Variants in CPNE8 observed in about 807,000 individuals in gnomAD.
CPNE8 encodes copine-8.
CPNE8 carries 45 observed loss-of-function variants against 81.5 expected under a neutral mutation model. That is an observed-to-expected ratio of 0.55 (90% CI 0.44 to 0.71). The LOEUF is 0.71. Among genes scored for constraint, CPNE8 ranks in the 30% least tolerant of loss-of-function variants. CPNE8 has a pLI of 0.00. For synonymous variants in CPNE8, 252 were observed against 226.3 expected (o/e 1.11, Z -1.02); for missense variants, 594 against 672.1 (o/e 0.88, Z 1.28).
intron 4 of CPNE8, among the ~76,000 whole-genome samples, chr12:38,845,881 A>G (rs1220442289): frequency 2.0e-5 from 3 of 152,156 alleles, no homozygotes; most frequent in Non-Finnish European, 4.4e-5. Context: ...CTTTTCAGCA[A>G]TCATATAAAA....
chr12:38,848,348 A>G (rs1194723424), intron 4 of CPNE8, among the ~76,000 whole-genome samples: 2 of 152,176 alleles, frequency 1.3e-5, no homozygotes, highest in Admixed American at 6.5e-5. Context: ...ACCGTCCTGC[A>G]TGGCTAAACT....
chr12:38,844,890 T>C (rs1022722919), intron 4 of CPNE8, among the ~76,000 whole-genome samples: 1 of 152,188 alleles, frequency 6.6e-6, no homozygotes, highest in Non-Finnish European at 1.5e-5. Context: ...CTGAAAACCA[T>C]TTACATCTAT....
At chr12:38,902,191 A>C (rs2137166929) in intron 1 of CPNE8, among the ~76,000 whole-genome samples, 1 of 149,710 alleles carries the variant, frequency 6.7e-6, no homozygotes, top group Middle Eastern at 3.4e-3. Context: ...AAAAAAGAAA[A>C]GAGAAAGAGA....
intron 14 of CPNE8, 126 bp from the exon 15 acceptor site, chr12:38,693,964 C>G (rs1306292896): frequency 3.4e-6 from 2 of 586,070 alleles, no homozygotes; most frequent in Non-Finnish European, 2.7e-6. Flanking sequence ...TACAGTGTGT[C>G]AAATCATTTC....
intron 10 of CPNE8, among the ~76,000 whole-genome samples, chr12:38,740,545 C>G (rs1941074092): frequency 6.6e-6 from 1 of 152,070 alleles, no homozygotes; most frequent in African/African-American, 2.4e-5. Context: ...ATAAATAGCT[C>G]TTACTATTTT....
chr12:38,812,147 A>C (rs1231942611), intron 6 of CPNE8, among the ~76,000 whole-genome samples: 2 of 152,246 alleles, frequency 1.3e-5, no homozygotes, highest in Non-Finnish European at 2.9e-5. Flanking sequence ...TTAACACAGA[A>C]GGTGGCAGGA....
intron 19 of CPNE8, among the ~76,000 whole-genome samples, chr12:38,666,710 A>G (rs918534755): frequency 1.3e-5 from 2 of 152,184 alleles, no homozygotes; most frequent in African/African-American, 4.8e-5. Context: ...GCTAAAGAAG[A>G]GCTTGAAGTC....
chr12:38,852,187 G>A (rs1943656880), intron 3 of CPNE8, among the ~76,000 whole-genome samples: 1 of 152,024 alleles, frequency 6.6e-6, no homozygotes, highest in African/African-American at 2.4e-5. Flanking sequence ...CAGCACTTTG[G>A]GAGGCCAAGG....
intron 19 of CPNE8, among the ~76,000 whole-genome samples, chr12:38,670,439 A>T (rs887510792): frequency 6.6e-6 from 1 of 152,096 alleles, no homozygotes; most frequent in Admixed American, 6.5e-5. Flanking sequence ...CCTTTTCTAT[A>T]TGTAGATGTA....
At chr12:38,797,473 C>T (rs1226576627) in intron 6 of CPNE8, among the ~76,000 whole-genome samples, 1 of 152,190 alleles carries the variant, frequency 6.6e-6, no homozygotes, top group Non-Finnish European at 1.5e-5. Context: ...CTCCAACAGA[C>T]CTGCAGCTGA....
chr12:38,847,592 T>G (rs1381462897), intron 4 of CPNE8, among the ~76,000 whole-genome samples: 3 of 152,162 alleles, frequency 2.0e-5, no homozygotes, highest in Non-Finnish European at 4.4e-5. Context: ...TTGATAAATA[T>G]GACGAATACT....
In CPNE8 at chr12:38,797,366, G is replaced by T. The variant is rs560261431; in HGVS notation, c.408-21065C>A. On this transcript the variant is annotated intron_variant, in intron 6 of 19. Coordinates refer to ENST00000331366, the MANE Select transcript of CPNE8 (RefSeq NM_153634.3). ...TGAGACAAAACTTCCAGAGGAACTA[G>T]CAGACGGCAGCATTCGTGTTTCACG... 4.1e-3 allele frequency among the ~76,000 whole-genome samples: 618 copies of T among 152,270 alleles called. 3 individuals are homozygous for T. Among genetic ancestry groups the T allele is most frequent in the Middle Eastern group, 0.017 (5 of 294 alleles).
intron 19 of CPNE8, among the ~76,000 whole-genome samples, chr12:38,661,113 T>C (rs1270297040): frequency 9.2e-5 from 14 of 152,184 alleles, no homozygotes; most frequent in Non-Finnish European, 1.8e-4. Context: ...ACTGGGTATA[T>C]ACCCAAAGGA....
chr12:38,653,606 G>T lies in CPNE8; in HGVS notation c.*276C>A, dbSNP rs141516498. On this transcript the variant is annotated 3_prime_UTR_variant, in exon 20 of 20. Coordinates refer to ENST00000331366, the MANE Select transcript of CPNE8 (RefSeq NM_153634.3). ...TTTCCCAACAATACATTGGAAATTA[G>T]CTGTTTCTGTTAAAAAAAAAAAGAA... 313 of 96,778 alleles carry T rather than the reference G, an allele frequency of 3.2e-3. No individual in the cohort carries two copies. The highest frequency in any genetic ancestry group is 5.6e-3 in the Non-Finnish European group (235 of 42,052). The allele number at this position is 96,778 out of a possible 1,614,324, so 6.0% of individuals were successfully genotyped here. A position where few individuals can be genotyped will look rare whatever the true frequency, so the allele number is the denominator to read the frequency against.
intron 14 of CPNE8, among the ~76,000 whole-genome samples, chr12:38,701,294 T>C (rs1939937282): frequency 6.6e-6 from 1 of 152,190 alleles, no homozygotes; most frequent in African/African-American, 2.4e-5. Flanking sequence ...ACTAATTTAG[T>C]CATTTTACTT....
intron 11 of CPNE8, 59 bp downstream of exon 11, chr12:38,730,224 T>C (rs549465313): frequency 5.7e-6 from 6 of 1,052,848 alleles, no homozygotes; most frequent in Admixed American, 1.8e-5. Context: ...ATCCACACTT[T>C]TAAAGCACAG....
At chr12:38,815,956 C>G (rs760042921) in intron 6 of CPNE8, among the ~76,000 whole-genome samples, 2 of 152,140 alleles carry the variant, frequency 1.3e-5, no homozygotes, top group Non-Finnish European at 2.9e-5. Context: ...ATTCCTAGCT[C>G]TTACATACCA....
chr12:38,668,739 G>A (rs1019638713), intron 19 of CPNE8, among the ~76,000 whole-genome samples: 2 of 152,058 alleles, frequency 1.3e-5, no homozygotes, highest in Non-Finnish European at 2.9e-5. Context: ...GAATAATCAT[G>A]TGTCTAATTA....
At chr12:38,881,700 C>T (rs1464332701) in intron 1 of CPNE8, among the ~76,000 whole-genome samples, 1 of 152,084 alleles carries the variant, frequency 6.6e-6, no homozygotes, top group Non-Finnish European at 1.5e-5. Context: ...TGATTGATAT[C>T]CTTGGAAACT....
Sources: gnomAD v4.1 joint callset for allele counts (sites outside exome capture counted in the v4.1 genomes callset) on GRCh38, gnomAD v4.1.1 for gene constraint, MANE v1.5 for transcripts, NCBI Gene and HGNC (gene_info 2026-07-23, HGNC 2026-07-21) for gene names.